The following USP42 variants were observed in gnomAD, a reference collection of about 807,000 sequenced individuals.
The protein encoded by USP42 is ubiquitin specific peptidase 42.
In USP42, 23 loss-of-function variants were observed where a neutral mutation model predicts 113.0. That is an observed-to-expected ratio of 0.20 (90% confidence interval 0.15 to 0.29). USP42 has a LOEUF of 0.29. Ranked by LOEUF, USP42 falls within the 10% of genes least tolerant of loss-of-function variation. The pLI is 1.00. For synonymous variants in USP42, 933 were observed against 699.0 expected, an observed-to-expected ratio of 1.33 and a Z score of -5.28; for missense variants, 2,174 against 1,779.8, an observed-to-expected ratio of 1.22 and a Z score of -3.99.
upstream of USP42, among the ~76,000 whole-genome samples, chr7:6,100,921 G>C (rs1365382506): frequency 6.6e-6 from 1 of 150,902 alleles, no homozygotes; most frequent in African/African-American, 2.5e-5. Flanking sequence ...GCTTGCCTTG[G>C]CCTCCCAAAG....
rs909574300 is a variant in USP42 at position 6,139,724 on chromosome 7, A to G, written c.657-404A>G. 2 of 262,938 alleles carry G rather than the reference A, an allele frequency of 7.6e-6. No homozygotes were observed. The highest frequency in any genetic ancestry group is 1.5e-5 in the Non-Finnish European group (2 of 135,590). The allele number at this position is 262,938 out of a possible 1,614,324, so 16.3% of individuals were successfully genotyped here. ...CCCTCTGCATTCTCCCTGCCCTGGC[A>G]CCGCCCTGTCTAGGACTTCATTGTC... On this transcript the variant is annotated intron_variant, in intron 5 of 17. Transcript: ENST00000306177. The surrounding 1 kb of genome is among the most constrained non-coding windows in gnomAD (Gnocchi z 4.5).
chr7:6,155,222 A>AGGCGCT, intron 15 of USP42, 27 bp downstream of exon 15: 1 of 1,501,542 alleles, frequency 6.7e-7, no homozygotes, highest in Admixed American at 2.4e-5. Context: ...GTGCTCCCCG[A>AGGCGCT]GGCGCTGGCG....
intron 7 of USP42, among the ~76,000 whole-genome samples, chr7:6,141,484 C>T (rs1781428825): frequency 6.6e-6 from 1 of 151,998 alleles, no homozygotes; most frequent in South Asian, 2.1e-4. Context: ...GCGTGAGCCA[C>T]CGCGCCCGGC....
chr7:6,091,680 TACACACACAC>T, the USP42 span, among the ~76,000 whole-genome samples: 12 of 136,076 alleles, frequency 8.8e-5, no homozygotes, highest in Admixed American at 4.5e-4. Context: ...TATGTTAGCA[TACACACACAC>T]ACACACACAC....
At chr7:6,083,048 C>G in the USP42 span, among the ~76,000 whole-genome samples, 2 of 148,348 alleles carry the variant, frequency 1.3e-5, no homozygotes, top group Admixed American at 1.3e-4. Context: ...CCTCAGCCTC[C>G]CGTGTAGATG....
upstream of USP42, among the ~76,000 whole-genome samples, chr7:6,103,791 C>T (rs1460052239): frequency 6.7e-6 from 1 of 150,068 alleles, no homozygotes; most frequent in African/African-American, 2.5e-5. Context: ...CAGCGGCTCA[C>T]GCCTGTAATC....
At chr7:6,135,770 T>G in intron 3 of USP42, 71 bp from the exon 4 acceptor site, 1 of 775,478 alleles carries the variant, frequency 1.3e-6, no homozygotes, top group Non-Finnish European at 1.9e-6. Flanking sequence ...GTGCCCCTGA[T>G]TTGTAATTAG....
chr7:6,154,219 A>G lies in USP42; in HGVS notation c.2665A>G (p.Ser889Gly). ...HARDAQDPSQ[S>G]LGAPEAAERP... ...CCGGGACGCTCAGGACCCATCCCAG[A>G]GCTTGGGCGCACCCGAGGCCGCAGA... Residue 889 changes from serine to glycine, a missense_variant, in exon 15 of 18, where the codon AGC (serine) becomes GGC (glycine). Coordinates refer to ENST00000306177, the MANE Select transcript of USP42 (RefSeq NM_032172.3). 9.3e-6 allele frequency: 15 copies of G among 1,606,892 alleles called. No individual in the cohort carries two copies. The highest frequency in any genetic ancestry group is 1.3e-5 in the Non-Finnish European group (15 of 1,178,944).
chr7:6,143,000 G>C lies in USP42; in HGVS notation c.864G>C (p.Ser288=). ...CGGAACAGCTTGATGGAGAAAACTC[G>C]TACAAGTGCAGCAAGTACGTTGGGT... is the stretch of plus-strand genomic sequence containing the variant. ...VKPEQLDGEN[S]YKCSKCKKMV... The change falls in exon 8 of 18, where the codon TCG becomes TCC. Residue 288 remains serine (S), a synonymous_variant. Transcript: ENST00000306177. The C allele has an allele frequency of 6.2e-7, 1 of 1,613,940 alleles. No homozygotes were observed. The highest frequency in any genetic ancestry group is 8.5e-7 in the Non-Finnish European group (1 of 1,179,860).
In USP42 at chr7:6,154,822, G is replaced by A; in HGVS notation, c.3268G>A (p.Glu1090Lys). ...CGAGCACGAGCGGGCCGGGCTGCAC[G>A]AGCGGCCGCACAAGGACCACAACCG... is the stretch of plus-strand genomic sequence containing the variant. ...GREHERAGLH[E>K]RPHKDHNRGR... Residue 1090 changes from glutamate (E) to lysine (K), a missense_variant, in exon 15 of 18, where the codon GAG becomes AAG. Physicochemically the swap from Glu to Lys is moderately conservative, Grantham distance 56. Transcript: ENST00000306177. The A allele has an allele frequency of 2.6e-6, 4 of 1,542,750 alleles. No individual in the cohort carries two copies. Among genetic ancestry groups the A allele is most frequent in the Non-Finnish European group, 3.5e-6 (4 of 1,142,860 alleles).
chr7:6,109,764 G>A (rs1004541309), intron 1 of USP42, among the ~76,000 whole-genome samples: 1 of 147,800 alleles, frequency 6.8e-6, no homozygotes, highest in African/African-American at 2.5e-5. Context: ...TCAGTGGCAC[G>A]GTTTTGGCTC....
intron 3 of USP42, among the ~76,000 whole-genome samples, chr7:6,124,211 A>G (rs773285720): frequency 3.3e-5 from 5 of 151,730 alleles, no homozygotes; most frequent in African/African-American, 7.3e-5. Context: ...TTAGCATGAT[A>G]TATTTTTTCC....
At chr7:6,124,272 T>C (rs889415118) in intron 3 of USP42, among the ~76,000 whole-genome samples, 1 of 152,122 alleles carries the variant, frequency 6.6e-6, no homozygotes, top group Non-Finnish European at 1.5e-5. Flanking sequence ...GTAGATTCCC[T>C]TTTTTCTTTT....
Position 6,160,610 on chromosome 7 carries a change from C to T in USP42, c.*92C>T, listed in dbSNP as rs190285232. ...GCCCAGCTTAAATTATAAAGATAGA[C>T]AATAACTCTGTTCCAATCTGCGTGG... On this transcript the variant is annotated 3_prime_UTR_variant, in exon 18 of 18. Coordinates refer to ENST00000306177, the MANE Select transcript of USP42 (RefSeq NM_032172.3). 1 of 152,798 alleles carries T rather than the reference C, an allele frequency of 6.5e-6. No individual in the cohort carries two copies. The highest frequency in any genetic ancestry group is 1.9e-4 in the East Asian group (1 of 5,188). The allele number at this position is 152,798 out of a possible 1,614,324, so 9.5% of individuals were successfully genotyped here. A position where few individuals can be genotyped will look rare whatever the true frequency, so the allele number is the denominator to read the frequency against.
intron 6 of USP42, 61 bp downstream of exon 6, chr7:6,140,256 G>A: frequency 1.4e-6 from 2 of 1,452,822 alleles, no homozygotes; most frequent in Non-Finnish European, 1.9e-6. Context: ...AATGGTAATA[G>A]TAGGACAGGG....
rs1279426013 is a variant in USP42 at position 6,154,280 on chromosome 7, C to T, written c.2726C>T (p.Ala909Val). 5 of 1,593,066 alleles carry T rather than the reference C, an allele frequency of 3.1e-6. No homozygotes were observed. The East Asian group carries it at 6.9e-5, about 22-fold the overall frequency. Residue 909 changes from alanine (A) to valine (V), a missense_variant, in exon 15 of 18, where the codon GCC (alanine) becomes GTC (valine). Transcript: ENST00000306177. ...PPAPVLDMAP[A>V]GHPEGDAEPS... is the part of the protein sequence containing the mutation. Reference sequence around the variant, plus strand: ...GCTCCTGTGCTGGACATGGCCCCGGCCGGTCACCCGGAAGGGGACGCTGAG... The same window carrying T: ...GCTCCTGTGCTGGACATGGCCCCGGTCGGTCACCCGGAAGGGGACGCTGAG...
upstream of USP42, among the ~76,000 whole-genome samples, chr7:6,101,596 T>C (rs940769746): frequency 2.6e-5 from 4 of 151,122 alleles, no homozygotes; most frequent in Non-Finnish European, 5.9e-5. Context: ...GATGTCTTCA[T>C]ATGCTTTGTG....
Position 6,126,829 on chromosome 7 carries a change from C to T in USP42, c.443-9012C>T, listed in dbSNP as rs575007598. 3.3e-5 allele frequency among the ~76,000 whole-genome samples: 5 copies of T among 152,278 alleles called. No homozygotes were observed. The South Asian group carries it at 1.0e-3, about 32-fold the overall frequency. On this transcript the variant is annotated intron_variant, in intron 3 of 17. Transcript: ENST00000306177. ...ATATGGTGAGTGGAGCTGCTATAAA[C>T]GTGAGTGTATATAGCTCTTTTTGTC...
chr7:6,157,502 G>A lies in USP42; in HGVS notation c.3943+447G>A, dbSNP rs978078069. On this transcript the variant is annotated intron_variant, in intron 16 of 17. Coordinates refer to ENST00000306177, the MANE Select transcript of USP42 (RefSeq NM_032172.3). The surrounding 1 kb of genome is among the most constrained non-coding windows in gnomAD (Gnocchi z 4.1). ...AACCTCTGCCTCCCAGGTTCATGCTGTTCTCCTGCCTCAGCCTCCTGAGTA... is the reference window on the plus strand; with the variant it reads ...AACCTCTGCCTCCCAGGTTCATGCTATTCTCCTGCCTCAGCCTCCTGAGTA... 2 of 590,944 alleles carry A rather than the reference G, an allele frequency of 3.4e-6. No individual in the cohort carries two copies. Among genetic ancestry groups the A allele is most frequent in the Non-Finnish European group, 4.3e-6 (2 of 469,724 alleles). 36.6% of individuals were successfully genotyped at this position (590,944 alleles called of 1,614,324 possible).
Sources: allele counts gnomAD v4.1 joint callset (sites outside exome capture counted in the v4.1 genomes callset), GRCh38; gene constraint gnomAD v4.1.1; non-coding constraint Gnocchi (gnomAD v3.1); transcripts MANE v1.5; gene names NCBI Gene and HGNC (gene_info 2026-07-23, HGNC 2026-07-21).